Variants in CA5A observed in about 807,000 individuals in gnomAD.
CA5A encodes the protein carbonic anhydrase 5A, also known as carbonic anhydrase 5A, mitochondrial.
In CA5A, 28 loss-of-function variants were observed where a neutral mutation model predicts 37.1. The ratio of observed to expected loss-of-function variants is 0.75; its 90% confidence interval spans 0.56 to 1.03. CA5A has a LOEUF of 1.03. Ranked by LOEUF, CA5A falls within the 50% of genes least tolerant of loss-of-function variation. CA5A has a pLI of 0.00. For synonymous variants in CA5A, 171 were observed against 158.4 expected, an observed-to-expected ratio of 1.08 and a Z score of -0.60; for missense variants, 444 against 399.9, an observed-to-expected ratio of 1.11 and a Z score of -0.94.
downstream of CA5A, chr16:87,885,362 C>G (rs1482469876): frequency 2.6e-5 from 4 of 152,898 alleles, no homozygotes; most frequent in Admixed American, 2.6e-4. Flanking sequence ...AAGCAGGTAT[C>G]TGGTGAAAGA....
At chr16:87,905,259 A>T (rs866072847) in intron 2 of CA5A, among the ~76,000 whole-genome samples, 9 of 144,778 alleles carry the variant, frequency 6.2e-5, no homozygotes, top group African/African-American at 1.6e-4. Context: ...GACTTTAATT[A>T]AAAAAAAAGG....
chr16:87,930,735 ATT>A (rs68126628), intron 1 of CA5A, among the ~76,000 whole-genome samples: 13,071 of 134,484 alleles, frequency 0.097, 729 homozygotes, highest in Non-Finnish European at 0.13. Context: ...CTTTGGATCT[ATT>A]TTTTTTTTTT....
intron 2 of CA5A, among the ~76,000 whole-genome samples, chr16:87,916,188 A>C (rs1016530658): frequency 2.0e-5 from 3 of 150,958 alleles, no homozygotes; most frequent in Non-Finnish European, 3.0e-5. Flanking sequence ...AAAACAAAAA[A>C]CCATCGGATT....
At chr16:87,923,730 A>C in intron 2 of CA5A, 1 of 985,102 alleles carries the variant, frequency 1.0e-6, no homozygotes, top group Non-Finnish European at 1.2e-6. Context: ...CAAAGTTTAT[A>C]CTTTACGACT....
At chr16:87,906,091 G>A (rs910551530) in intron 2 of CA5A, among the ~76,000 whole-genome samples, 3 of 152,204 alleles carry the variant, frequency 2.0e-5, no homozygotes, top group African/African-American at 7.2e-5. Flanking sequence ...TACAAATGGG[G>A]TACCCGTTCC....
intron 1 of CA5A, among the ~76,000 whole-genome samples, chr16:87,928,585 T>C (rs2056347746): frequency 6.6e-6 from 1 of 152,130 alleles, no homozygotes; most frequent in Admixed American, 6.5e-5. Context: ...AAAATATATA[T>C]ATACAATTCT....
At chr16:87,903,160 C>T (rs934198661) in intron 3 of CA5A, among the ~76,000 whole-genome samples, 6 of 152,088 alleles carry the variant, frequency 3.9e-5, no homozygotes, top group Admixed American at 1.3e-4. Context: ...CGGCTGGGCG[C>T]GGTGGCTCAC....
intron 6 of CA5A, 101 bp downstream of exon 6, chr16:87,891,698 T>C (rs2055715813): frequency 9.4e-7 from 1 of 1,062,716 alleles, no homozygotes; most frequent in South Asian, 2.0e-5. Flanking sequence ...AAAGAATATA[T>C]ATAACTCCAC....
intron 1 of CA5A, among the ~76,000 whole-genome samples, chr16:87,929,451 CA>C (rs138039345): frequency 0.02 from 1,734 of 88,116 alleles, 8 homozygotes; most frequent in Non-Finnish European, 0.025. Flanking sequence ...AATTCGGTCT[CA>C]AAAAAAAAAA....
At chr16:87,891,383 G>A (rs574517260) in intron 6 of CA5A, among the ~76,000 whole-genome samples, 3 of 151,476 alleles carry the variant, frequency 2.0e-5, no homozygotes, top group African/African-American at 4.8e-5. Flanking sequence ...CAGGAGAATC[G>A]CTTGAACCCA....
chr16:87,923,604 C>A (rs969041108), intron 2 of CA5A: 1 of 985,314 alleles, frequency 1.0e-6, no homozygotes, highest in Non-Finnish European at 1.2e-6. Flanking sequence ...GGACATTAGC[C>A]GGGTGCCTGA....
intron 2 of CA5A, among the ~76,000 whole-genome samples, chr16:87,916,178 A>C (rs1052494429): frequency 2.8e-5 from 4 of 142,346 alleles, no homozygotes; most frequent in East Asian, 1.9e-4. Flanking sequence ...AAAAAAAAAA[A>C]AAACAAAAAA....
At chr16:87,895,360 A>G (rs954251719) in intron 5 of CA5A, among the ~76,000 whole-genome samples, 58 of 152,326 alleles carry the variant, frequency 3.8e-4, no homozygotes, top group African/African-American at 1.4e-3. Flanking sequence ...AGCCTGACCA[A>G]CATGGCGAAA....
chr16:87,927,041 C>A (rs1484277031), intron 1 of CA5A, 96 bp from the exon 2 acceptor site: 3 of 854,870 alleles, frequency 3.5e-6, no homozygotes, highest in Non-Finnish European at 5.4e-6. Flanking sequence ...AGACCCCTCA[C>A]GTCCTGGCTC....
chr16:87,936,231 T>A, intron 1 of CA5A, 78 bp downstream of exon 1: 1 of 956,722 alleles, frequency 1.0e-6, no homozygotes, highest in Non-Finnish European at 1.6e-6. Context: ...GGACGGTCTC[T>A]CCTCTCTCCT....
Position 87,900,039 on chromosome 16 carries a change from C to A in CA5A, c.618+1873G>T, listed in dbSNP as rs566345351. Among the ~76,000 whole-genome samples the A allele has an allele frequency of 5.3e-5, 8 of 151,878 alleles. No individual in the cohort carries two copies. In the East Asian group the frequency reaches 1.5e-3, roughly 29 times the overall value. On this transcript the variant is annotated intron_variant, in intron 5 of 6. Coordinates refer to ENST00000649794, the MANE Select transcript of CA5A (RefSeq NM_001739.2). ...CTCAGTCCGCGGTGGCACTTCCTCC[C>A]CTGTCCCGGGCATCATTCCTCCCCT...
intron 2 of CA5A, among the ~76,000 whole-genome samples, chr16:87,923,279 C>T (rs2056255571): frequency 6.6e-6 from 1 of 152,146 alleles, no homozygotes; most frequent in East Asian, 1.9e-4. Flanking sequence ...AACTCCACCT[C>T]CCAAATTCAA....
At chr16:87,928,348 G>T (rs2144079433) in intron 1 of CA5A, among the ~76,000 whole-genome samples, 1 of 152,180 alleles carries the variant, frequency 6.6e-6, no homozygotes, top group South Asian at 2.1e-4. Flanking sequence ...ATTTTTTGTA[G>T]AGACGAGGTT....
At chr16:87,889,821 C>G (rs1233364089) in intron 6 of CA5A, among the ~76,000 whole-genome samples, 1 of 152,204 alleles carries the variant, frequency 6.6e-6, no homozygotes, top group South Asian at 2.1e-4. Context: ...TATGTATTAT[C>G]TCACTTGTTC....
Sources: gnomAD v4.1 joint callset for allele counts (sites outside exome capture counted in the v4.1 genomes callset) on GRCh38, gnomAD v4.1.1 for gene constraint, MANE v1.5 for transcripts, NCBI Gene and HGNC (gene_info 2026-07-23, HGNC 2026-07-21) for gene names.